Variants in CISD2 observed in about 807,000 individuals in gnomAD.
CISD2 encodes the protein CDGSH iron sulfur domain 2, also known as CDGSH iron-sulfur domain-containing protein 2.
A neutral mutation model predicts 12.9 loss-of-function variants in CISD2; 1 was observed. That is an observed-to-expected ratio of 0.08 (90% CI 0.03 to 0.37). The LOEUF is 0.37. CISD2 is among the 10% of genes least tolerant of loss of function. The probability of loss-of-function intolerance (pLI) is 0.99; values close to 1 mark genes in which losing one functional copy is unlikely to be tolerated. For missense variants in CISD2, 97 were observed against 163.1 expected (o/e 0.59, Z 2.21); for synonymous variants, 50 against 60.6 (o/e 0.83, Z 0.81).
At chr4:102,882,237 GC>G (rs1733738969) in intron 1 of CISD2, among the ~76,000 whole-genome samples, 1 of 151,958 alleles carries the variant, frequency 6.6e-6, no homozygotes, top group Admixed American at 6.6e-5. Flanking sequence ...CCATTCACTC[GC>G]TTTTTGATAA....
intron 1 of CISD2, among the ~76,000 whole-genome samples, chr4:102,871,150 T>C (rs542086183): frequency 2.6e-5 from 4 of 152,342 alleles, no homozygotes; most frequent in South Asian, 4.1e-4. Context: ...TGGCTGCATT[T>C]GTATTAGTTT....
chr4:102,869,232 A>T (rs1000101061), intron 1 of CISD2, 45 bp downstream of exon 1: 1 of 1,565,158 alleles, frequency 6.4e-7, no homozygotes, highest in African/African-American at 1.4e-5. Context: ...CACGTTCGCC[A>T]AGCGGGGGAA....
At chr4:102,873,859 C>T (rs1214271556) in intron 1 of CISD2, among the ~76,000 whole-genome samples, 4 of 151,834 alleles carry the variant, frequency 2.6e-5, no homozygotes, top group Non-Finnish European at 4.4e-5. Context: ...TACGGTGTGG[C>T]TCATGCCTTT....
rs1270327527 is a variant in CISD2, at chr4:102,888,610, T to C, written c.*1180T>C. On this transcript the variant is annotated 3_prime_UTR_variant, in exon 3 of 3. Transcript: ENST00000273986. ...TTAATCCTACTATTATGAATCTTTT[T>C]AGTTTCATCTTACATTACTACTCTC... The C allele has an allele frequency of 6.6e-6, 1 of 152,284 alleles. No individual in the cohort carries two copies. Among genetic ancestry groups the C allele is most frequent in the East Asian group, 1.9e-4 (1 of 5,204 alleles). 9.4% of individuals were successfully genotyped at this position (152,284 alleles called of 1,614,324 possible). A position where few individuals can be genotyped will look rare whatever the true frequency, so the allele number is the denominator to read the frequency against.
chr4:102,880,710 TG>T (rs1733696136), intron 1 of CISD2, among the ~76,000 whole-genome samples: 1 of 151,944 alleles, frequency 6.6e-6, no homozygotes, highest in Non-Finnish European at 1.5e-5. Context: ...TTATTTTATT[TG>T]GTCAGGCACG....
At chr4:102,880,910 G>T (rs1029808157) in intron 1 of CISD2, among the ~76,000 whole-genome samples, 1 of 150,818 alleles carries the variant, frequency 6.6e-6, no homozygotes, top group African/African-American at 2.4e-5. Context: ...CACGAGAATC[G>T]CTTGAACCCG....
chr4:102,877,229 C>T (rs1733613137), intron 1 of CISD2, among the ~76,000 whole-genome samples: 1 of 152,190 alleles, frequency 6.6e-6, no homozygotes, highest in South Asian at 2.1e-4. Context: ...AAGGCAAGTC[C>T]CTTCCACCTA....
At chr4:102,882,913 A>C (rs1323010001) in intron 1 of CISD2, 1 of 151,830 alleles carries the variant, frequency 6.6e-6, no homozygotes, top group Non-Finnish European at 1.5e-5. Flanking sequence ...CGCCTGGATA[A>C]TTTTTTGTAT....
At chr4:102,870,577 A>G (rs879568919) in intron 1 of CISD2, among the ~76,000 whole-genome samples, 3 of 152,234 alleles carry the variant, frequency 2.0e-5, no homozygotes, top group African/African-American at 4.8e-5. Flanking sequence ...AATAGAAAGC[A>G]TGGTAACAAT....
intron 1 of CISD2, among the ~76,000 whole-genome samples, chr4:102,877,599 A>G (rs1733620057): frequency 6.6e-6 from 1 of 152,232 alleles, no homozygotes; most frequent in Admixed American, 6.5e-5. Flanking sequence ...TGGCTCTGCC[A>G]GGCAGTGACA....
intron 1 of CISD2, among the ~76,000 whole-genome samples, chr4:102,872,011 C>G (rs1733465532): frequency 6.6e-6 from 1 of 152,118 alleles, no homozygotes; most frequent in African/African-American, 2.4e-5. Flanking sequence ...TTGTTTATGT[C>G]ACATTTTCAA....
At chr4:102,875,862 T>C (rs1733579713) in intron 1 of CISD2, among the ~76,000 whole-genome samples, 3 of 152,226 alleles carry the variant, frequency 2.0e-5, no homozygotes. Flanking sequence ...GTTAGAAGAC[T>C]CTTTACTTTT....
At chr4:102,877,897 G>A (rs1011733313) in intron 1 of CISD2, among the ~76,000 whole-genome samples, 5 of 152,196 alleles carry the variant, frequency 3.3e-5, no homozygotes, top group Non-Finnish European at 7.3e-5. Context: ...TGGGACACAG[G>A]GCATCAAGTC....
Position 102,889,986 on chromosome 4 carries a change from G to A in CISD2, c.*2556G>A, listed in dbSNP as rs1314528015. The A allele has an allele frequency of 1.0e-5, 1 of 95,690 alleles. No homozygotes were observed. Among genetic ancestry groups the A allele is most frequent in the African/African-American group, 6.8e-5 (1 of 14,752 alleles). 5.9% of individuals were successfully genotyped at this position (95,690 alleles called of 1,614,324 possible). A position where few individuals can be genotyped will look rare whatever the true frequency, so the allele number is the denominator to read the frequency against. On this transcript the variant is annotated 3_prime_UTR_variant, in exon 3 of 3. Transcript: ENST00000273986. ...CAAAATACAGCCCTGTTGTTACTGC[G>A]TCACATGATTGTTTTGAGGACTGCT... is the stretch of plus-strand genomic sequence containing the variant.
At chr4:102,871,576 A>C (rs1342384990) in intron 1 of CISD2, among the ~76,000 whole-genome samples, 1 of 152,274 alleles carries the variant, frequency 6.6e-6, no homozygotes, top group East Asian at 1.9e-4. Context: ...AAACAATTGC[A>C]GGGTTTATTT....
At chr4:102,881,788 T>G (rs1461900970) in intron 1 of CISD2, among the ~76,000 whole-genome samples, 1 of 152,220 alleles carries the variant, frequency 6.6e-6, no homozygotes, top group African/African-American at 2.4e-5. Flanking sequence ...TACCAAGGAA[T>G]TAAGTGTTCA....
Position 102,888,388 on chromosome 4 carries a change from C to T in CISD2, c.*958C>T, listed in dbSNP as rs1427690462. The T allele has an allele frequency of 6.6e-6, 1 of 152,100 alleles. No homozygotes were observed. The highest frequency in any genetic ancestry group is 1.5e-5 in the Non-Finnish European group (1 of 68,030). 9.4% of individuals were successfully genotyped at this position (152,100 alleles called of 1,614,324 possible). A position where few individuals can be genotyped will look rare whatever the true frequency, so the allele number is the denominator to read the frequency against. On this transcript the variant is annotated 3_prime_UTR_variant, in exon 3 of 3. Coordinates refer to ENST00000273986, the MANE Select transcript of CISD2 (RefSeq NM_001008388.5). ...AGAACCCATATGTAGAAAAGTTGGC[C>T]CTCCAGTTGACCCTCCGTACACATG...
intron 1 of CISD2, among the ~76,000 whole-genome samples, chr4:102,875,204 C>T (rs996168575): frequency 4.6e-5 from 7 of 152,242 alleles, no homozygotes; most frequent in African/African-American, 1.4e-4. Flanking sequence ...AATGAAGCTC[C>T]TCCTCCCATA....
intron 1 of CISD2, among the ~76,000 whole-genome samples, chr4:102,879,313 A>G (rs1733661619): frequency 6.6e-6 from 1 of 152,116 alleles, no homozygotes; most frequent in Non-Finnish European, 1.5e-5. Context: ...ACAATGAGAA[A>G]TTGATTTATT....
Sources: allele counts gnomAD v4.1 joint callset (sites outside exome capture counted in the v4.1 genomes callset), GRCh38; gene constraint gnomAD v4.1.1; transcripts MANE v1.5; gene names NCBI Gene and HGNC (gene_info 2026-07-23, HGNC 2026-07-21).